Variants in SNX24 observed in about 807,000 individuals in gnomAD.
SNX24 encodes sorting nexin-24.
SNX24 carries 22 observed loss-of-function variants against 28.7 expected under a neutral mutation model. The ratio of observed to expected loss-of-function variants is 0.77; its 90% CI spans 0.55 to 1.10. SNX24 has a LOEUF of 1.10. Ranked by LOEUF, SNX24 falls within the 50% of genes least tolerant of loss-of-function variation. The probability of loss-of-function intolerance (pLI) is 0.00; values close to 1 mark genes in which losing one functional copy is unlikely to be tolerated. For missense variants in SNX24, 221 were observed against 201.1 expected (o/e 1.10, Z -0.60); for synonymous variants, 69 against 71.5 (o/e 0.96, Z 0.18).
In SNX24 at chr5:122,890,969, A is replaced by G. The variant is rs1756942142; in HGVS notation, c.60+45276A>G. On this transcript the variant is annotated intron_variant, in intron 1 of 6. Coordinates refer to ENST00000261369, the MANE Select transcript of SNX24 (RefSeq NM_014035.4). ...GCAAGGATTTTAAAGTAAAATTTAA[A>G]TAGTATATAAGAGTATGAAGTGAAA... 4 of 1,276,568 alleles carry G rather than the reference A, an allele frequency of 3.1e-6. No homozygotes were observed. The East Asian group carries it at 1.2e-4, about 40-fold the overall frequency. The allele number at this position is 1,276,568 out of a possible 1,614,324, so 79.1% of individuals were successfully genotyped here.
At position 122,924,895 on chromosome 5, in the gene SNX24, C is replaced by G. The variant is rs376107944; in HGVS notation, c.61-11839C>G. 1.1e-4 allele frequency among the ~76,000 whole-genome samples: 16 copies of G among 152,180 alleles called. 2 individuals carry two copies. The highest frequency in any genetic ancestry group is 3.9e-4 in the East Asian group (2 of 5,178). On this transcript the variant is annotated intron_variant, in intron 1 of 6. Coordinates refer to ENST00000261369, the MANE Select transcript of SNX24 (RefSeq NM_014035.4). The stretch of plus-strand genomic sequence containing the variant: ...CTTTCTACCATATCATGTAGCTTCT[C>G]AGAATAGCACTAATTATTAAGACGG...
chr5:123,003,688 C>T (rs1343050376), intron 6 of SNX24, among the ~76,000 whole-genome samples: 2 of 152,200 alleles, frequency 1.3e-5, no homozygotes, highest in Non-Finnish European at 2.9e-5. Context: ...ACCATGTGCT[C>T]TATGCCTGGC....
At chr5:122,941,875 G>A (rs1427683650) in intron 2 of SNX24, among the ~76,000 whole-genome samples, 1 of 152,182 alleles carries the variant, frequency 6.6e-6, no homozygotes, top group Admixed American at 6.5e-5. Context: ...GTACTAGGTG[G>A]GAAGAACACC....
chr5:122,917,404 G>A (rs956103837), intron 1 of SNX24, among the ~76,000 whole-genome samples: 3 of 152,152 alleles, frequency 2.0e-5, no homozygotes, highest in Non-Finnish European at 2.9e-5. Context: ...TTAAAATGTG[G>A]CATCCAAAAA....
chr5:122,909,275 G>A (rs754515864), intron 1 of SNX24, among the ~76,000 whole-genome samples: 5 of 152,146 alleles, frequency 3.3e-5, no homozygotes, highest in African/African-American at 4.8e-5. Flanking sequence ...CTAAGATTCA[G>A]GGACACTTAG....
At chr5:122,850,954 C>T (rs141988071) in intron 1 of SNX24, among the ~76,000 whole-genome samples, 1,550 of 152,108 alleles carry the variant, frequency 0.01, 17 homozygotes, top group Middle Eastern at 0.027. Context: ...AGATGCTTTA[C>T]AAGAAAGAAA....
At chr5:122,958,061 T>C (rs557812509) in intron 3 of SNX24, among the ~76,000 whole-genome samples, 1 of 152,316 alleles carries the variant, frequency 6.6e-6, no homozygotes, top group East Asian at 1.9e-4. Flanking sequence ...GAGTACTATG[T>C]TGAATAGAAA....
intron 1 of SNX24, among the ~76,000 whole-genome samples, chr5:122,864,763 G>A (rs1296230441): frequency 1.3e-5 from 2 of 152,214 alleles, no homozygotes; most frequent in African/African-American, 4.8e-5. Flanking sequence ...GATCTTAGGA[G>A]CAGCTTAGGG....
intron 3 of SNX24, among the ~76,000 whole-genome samples, chr5:122,987,505 A>G (rs1026801806): frequency 7.2e-5 from 11 of 152,120 alleles, no homozygotes; most frequent in African/African-American, 2.2e-4. Context: ...TCTTTTTTGT[A>G]TTCTGTGATT....
intron 2 of SNX24, among the ~76,000 whole-genome samples, chr5:122,943,420 A>T (rs1275681819): frequency 2.6e-5 from 4 of 152,096 alleles, no homozygotes; most frequent in Non-Finnish European, 5.9e-5. Flanking sequence ...CATCTGGCAC[A>T]GCCTGATCAT....
intron 3 of SNX24, among the ~76,000 whole-genome samples, chr5:122,985,489 A>G (rs559907915): frequency 2.6e-5 from 4 of 152,328 alleles, no homozygotes; most frequent in South Asian, 4.2e-4. Context: ...TCCATCTGTA[A>G]AGTGCTCTTG....
At chr5:122,985,057 A>G (rs1761541111) in intron 3 of SNX24, among the ~76,000 whole-genome samples, 1 of 152,234 alleles carries the variant, frequency 6.6e-6, no homozygotes, top group South Asian at 2.1e-4. Context: ...TCCATTTGAT[A>G]CAAAGCGAGA....
chr5:122,882,019 G>T (rs981971761), intron 1 of SNX24, among the ~76,000 whole-genome samples: 2 of 151,264 alleles, frequency 1.3e-5, no homozygotes, highest in African/African-American at 4.9e-5. Flanking sequence ...ACTCAGGCTG[G>T]ACTGCAGCAA....
chr5:122,960,795 A>G (rs1760458482), intron 3 of SNX24, among the ~76,000 whole-genome samples: 1 of 152,200 alleles, frequency 6.6e-6, no homozygotes, highest in Admixed American at 6.5e-5. Flanking sequence ...ACAAACTACT[A>G]CATTTCAAAA....
chr5:122,904,482 C>CT (rs1757566048), intron 1 of SNX24, among the ~76,000 whole-genome samples: 1 of 152,014 alleles, frequency 6.6e-6, no homozygotes, highest in African/African-American at 2.4e-5. Context: ...CACTCCCGGC[C>CT]TTTTTATCTT....
chr5:123,026,258 T>G (rs955523014), intron 5 of SNX24, among the ~76,000 whole-genome samples: 16 of 152,152 alleles, frequency 1.1e-4, no homozygotes, highest in African/African-American at 3.9e-4. Flanking sequence ...GGTCCATGAC[T>G]TCGCTCTGAA....
intron 3 of SNX24, chr5:122,982,909 GA>G (rs1157977734): frequency 1.3e-5 from 2 of 151,972 alleles, no homozygotes; most frequent in Admixed American, 1.3e-4. Flanking sequence ...TATTTTATTT[GA>G]AAAAATATTA....
At chr5:122,889,626 CATAT>C (rs10571884) in intron 1 of SNX24, among the ~76,000 whole-genome samples, 1 of 144,886 alleles carries the variant, frequency 6.9e-6, no homozygotes, top group Non-Finnish European at 1.5e-5. Context: ...TATATATACA[CATAT>C]ATATATATAC....
intron 5 of SNX24, among the ~76,000 whole-genome samples, chr5:123,019,183 A>G (rs1014934919): frequency 1.3e-5 from 2 of 152,112 alleles, no homozygotes; most frequent in Non-Finnish European, 2.9e-5. Context: ...CTTGGCCAAA[A>G]TCTTAAATCC....
Sources: allele counts gnomAD v4.1 joint callset (sites outside exome capture counted in the v4.1 genomes callset), GRCh38; gene constraint gnomAD v4.1.1; transcripts MANE v1.5; gene names NCBI Gene and HGNC (gene_info 2026-07-23, HGNC 2026-07-21).